Variants in MYO9B observed in about 807,000 individuals in gnomAD.
MYO9B encodes the protein myosin IXB.
Under a neutral mutation model 229.5 loss-of-function variants are expected in MYO9B, and 71 were observed. The observed-to-expected ratio is 0.31, with a 90% CI of 0.26 to 0.38. MYO9B has a LOEUF of 0.38. MYO9B is among the 10% of genes least tolerant of loss of function. The probability of loss-of-function intolerance (pLI) is 1.00; values close to 1 mark genes in which losing one functional copy is unlikely to be tolerated. For missense variants in MYO9B, 2,255 were observed against 2,920.5 expected (o/e 0.77, Z 5.25); for synonymous variants, 1,185 against 1,235.8 (o/e 0.96, Z 0.86).
chr19:17,132,396 A>G (rs1261030682), intron 2 of MYO9B, among the ~76,000 whole-genome samples: 1 of 150,838 alleles, frequency 6.6e-6, no homozygotes, highest in East Asian at 1.9e-4. Flanking sequence ...CATGTTGGCC[A>G]GGCTGGTCTT....
chr19:17,209,231 GC>G (rs1426532406), intron 35 of MYO9B, among the ~76,000 whole-genome samples: 2 of 152,236 alleles, frequency 1.3e-5, no homozygotes, highest in African/African-American at 4.8e-5. Context: ...CTGTGGGTCA[GC>G]CCATGTCTGG....
intron 2 of MYO9B, among the ~76,000 whole-genome samples, chr19:17,130,380 G>C (rs2145168449): frequency 6.6e-6 from 1 of 152,280 alleles, no homozygotes; most frequent in African/African-American, 2.4e-5. Flanking sequence ...ACTTTGGGAG[G>C]CCGAGGCAGG....
At chr19:17,119,300 T>C (rs1376726837) in intron 2 of MYO9B, among the ~76,000 whole-genome samples, 1 of 152,208 alleles carries the variant, frequency 6.6e-6, no homozygotes, top group African/African-American at 2.4e-5. Context: ...AGATCCAGGA[T>C]GACGGGCAAG....
At chr19:17,135,085 A>T (rs1483990511) in intron 2 of MYO9B, among the ~76,000 whole-genome samples, 10 of 152,130 alleles carry the variant, frequency 6.6e-5, no homozygotes, top group Non-Finnish European at 1.5e-5. Flanking sequence ...CTGTTGATGC[A>T]CACGTCTTGG....
chr19:17,200,280 C>CT lies in MYO9B; in HGVS notation c.4239-10dup. 6.2e-7 allele frequency: 1 copy of CT among 1,603,098 alleles called. No homozygotes were observed. On this transcript the variant is annotated splice_polypyrimidine_tract_variant and intron_variant, in intron 24 of 39. Transcript: ENST00000682292. Reference sequence around the variant, plus strand: ...TTTCAGACTTAAAAGAAGCCACGTACTTTCTCCTGCAGATCCACGTTTAAG... The same window carrying CT: ...TTTCAGACTTAAAAGAAGCCACGTACTTTTCTCCTGCAGATCCACGTTTAAG...
At chr19:17,079,802 C>A (rs2057518409) in intron 1 of MYO9B, among the ~76,000 whole-genome samples, 1 of 152,214 alleles carries the variant, frequency 6.6e-6, no homozygotes, top group Non-Finnish European at 1.5e-5. Context: ...CTGTGCCAGG[C>A]TGCCCCTGCT....
At chr19:17,096,795 T>C (rs1290255855) in intron 1 of MYO9B, among the ~76,000 whole-genome samples, 2 of 146,602 alleles carry the variant, frequency 1.4e-5, no homozygotes, top group Admixed American at 6.9e-5. Flanking sequence ...AAGCTCCGCC[T>C]TCCGGGTTCA....
intron 2 of MYO9B, among the ~76,000 whole-genome samples, chr19:17,111,057 C>T (rs916484583): frequency 6.6e-6 from 1 of 152,192 alleles, no homozygotes; most frequent in Non-Finnish European, 1.5e-5. Flanking sequence ...ACCACAGTGC[C>T]ATTATCCACT....
rs372531947 is a variant in MYO9B at position 17,212,112 on chromosome 19, C to T, written c.6276C>T (p.Ala2092=). 1 of 1,590,196 alleles carries T rather than the reference C, an allele frequency of 6.3e-7. No homozygotes were observed. Among genetic ancestry groups the T allele is most frequent in the Non-Finnish European group, 8.5e-7 (1 of 1,170,140 alleles). The change falls in exon 40 of 40, where the codon GCC becomes GCT. Residue 2092 remains alanine (A), a synonymous_variant. Transcript: ENST00000682292. The surrounding 1 kb of genome is among the most constrained non-coding windows in gnomAD (Gnocchi z 5.4). The stretch of plus-strand genomic sequence containing the variant: ...CACCGGGTGCCCGGGAGGCGGCTGC[C>T]CCAGTGCGGCGCCGGGAGCCACCTG... ...RWAPGAREAA[A]PVRRREPPAR... is the part of the protein sequence containing the mutation.
intron 19 of MYO9B, 67 bp downstream of exon 19, chr19:17,188,112 G>C: frequency 7.2e-7 from 1 of 1,385,292 alleles, no homozygotes; most frequent in Middle Eastern, 1.8e-4. Context: ...CTCTTCCAAA[G>C]AGAGCTCCTT....
At chr19:17,170,674 ACT>A (rs2072714470) in intron 11 of MYO9B, among the ~76,000 whole-genome samples, 19 of 133,590 alleles carry the variant, frequency 1.4e-4, no homozygotes, top group Admixed American at 7.6e-4. Flanking sequence ...AAAAAAAAAA[ACT>A]AGCTGGGCAC....
intron 2 of MYO9B, among the ~76,000 whole-genome samples, chr19:17,137,879 A>G (rs1356586954): frequency 6.7e-6 from 1 of 149,504 alleles, no homozygotes; most frequent in Non-Finnish European, 1.5e-5. Context: ...AACTGGAACT[A>G]CAGGCACCCA....
At chr19:17,120,712 A>G (rs1251061173) in intron 2 of MYO9B, among the ~76,000 whole-genome samples, 2 of 151,874 alleles carry the variant, frequency 1.3e-5, no homozygotes, top group Non-Finnish European at 2.9e-5. Context: ...CTAATTGGTA[A>G]CAGTCCTCAT....
rs1466903670 is a variant in MYO9B, at chr19:17,162,925, CAT to C, written c.1537-62_1537-61del. 3.2e-6 allele frequency: 5 copies of C among 1,557,082 alleles called. No individual in the cohort carries two copies. In the African/African-American group the frequency reaches 6.8e-5, roughly 21 times the overall value. On this transcript the variant is annotated intron_variant, in intron 9 of 39. Transcript: ENST00000682292. ...CACAGCCTGTAGAGCCAACCCCTCT[CAT>C]GAAGGCTGGCTCCCTCGGGGTGCAC...
chr19:17,137,958 T>A (rs142598399), intron 2 of MYO9B, among the ~76,000 whole-genome samples: 31 of 151,936 alleles, frequency 2.0e-4, no homozygotes, highest in Non-Finnish European at 3.2e-4. Context: ...ACGTGCAGTT[T>A]CGTTACATAG....
At chr19:17,117,953 A>AAAAAG (rs1247014136) in intron 2 of MYO9B, among the ~76,000 whole-genome samples, 1 of 151,322 alleles carries the variant, frequency 6.6e-6, no homozygotes, top group Non-Finnish European at 1.5e-5. Context: ...AAAAAAAAAA[A>AAAAAG]AAAAGAAAAG....
At chr19:17,128,757 A>C (rs543098513) in intron 2 of MYO9B, among the ~76,000 whole-genome samples, 1 of 152,320 alleles carries the variant, frequency 6.6e-6, no homozygotes, top group South Asian at 2.1e-4. Context: ...GAACTTGGAG[A>C]ATACAGGAAA....
chr19:17,136,744 G>A (rs1452292614), intron 2 of MYO9B, among the ~76,000 whole-genome samples: 5 of 151,954 alleles, frequency 3.3e-5, no homozygotes, highest in Admixed American at 2.6e-4. Context: ...GGTGGTTCCC[G>A]CCCACCGACC....
At position 17,193,009 on chromosome 19, in the gene MYO9B, A is replaced by G. The variant is rs1170280770; in HGVS notation, c.3075A>G (p.Lys1025=). 2 of 1,501,186 alleles carry G rather than the reference A, an allele frequency of 1.3e-6. No individual in the cohort carries two copies. Among genetic ancestry groups the G allele is most frequent in the Admixed American group, 2.1e-5 (1 of 48,304 alleles). The allele number at this position is 1,501,186 out of a possible 1,614,324, so 93.0% of individuals were successfully genotyped here. The part of the protein sequence containing the change: ...YWQRKLYRHQ[K]QSIIRLQSLC... ...AGCGGAAGCTCTACCGGCACCAGAA[A>G]CAGAGCATCATCCGCCTGCAGAGCC... Residue 1025 remains lysine (K), a synonymous_variant, in exon 21 of 40, where the codon AAA becomes AAG. Transcript: ENST00000682292. This position sits in a 1 kb window ranked among gnomAD's most constrained non-coding sequence, Gnocchi z 4.3.
Sources: gnomAD v4.1 joint callset for allele counts (sites outside exome capture counted in the v4.1 genomes callset) on GRCh38, gnomAD v4.1.1 for gene constraint, Gnocchi (gnomAD v3.1) non-coding constraint, MANE v1.5 for transcripts, NCBI Gene and HGNC (gene_info 2026-07-23, HGNC 2026-07-21) for gene names.